GMDS: variants seen among roughly 807,000 people sequenced by gnomAD.
GMDS encodes the protein GDP-mannose 4,6 dehydratase.
Under a neutral mutation model 49.9 loss-of-function variants are expected in GMDS, and 20 were observed. That is an observed-to-expected ratio of 0.40 (90% confidence interval 0.28 to 0.58). The LOEUF (loss-of-function observed/expected upper bound fraction) is 0.58, where lower values mean the gene tolerates loss of function less well. Ranked by LOEUF, GMDS falls within the 20% of genes least tolerant of loss-of-function variation. The pLI is 0.42. For missense variants in GMDS, 362 were observed against 481.4 expected, an observed-to-expected ratio of 0.75 and a Z score of 2.32; for synonymous variants, 177 against 178.6, an observed-to-expected ratio of 0.99 and a Z score of 0.07.
chr6:2,209,296 G>C (rs537174818), intron 1 of GMDS, among the ~76,000 whole-genome samples: 257 of 152,348 alleles, frequency 1.7e-3, no homozygotes, highest in African/African-American at 5.7e-3. Context: ...TGGGGGTAGA[G>C]GCTACTAGTT....
chr6:2,205,097 CAG>C (rs1779742830), intron 1 of GMDS, among the ~76,000 whole-genome samples: 1 of 152,104 alleles, frequency 6.6e-6, no homozygotes. Flanking sequence ...AACCCTTTAA[CAG>C]AGTTTTTCTC....
intron 4 of GMDS, among the ~76,000 whole-genome samples, chr6:1,966,215 T>A (rs1764249128): frequency 6.6e-6 from 1 of 152,182 alleles, no homozygotes; most frequent in Non-Finnish European, 1.5e-5. Context: ...GTGGTTGGTT[T>A]CTATCATTAT....
intron 4 of GMDS, among the ~76,000 whole-genome samples, chr6:2,077,033 C>T (rs1772385113): frequency 6.6e-6 from 1 of 151,814 alleles, no homozygotes; most frequent in African/African-American, 2.4e-5. Context: ...AAATTTATTC[C>T]TATGTTTTTT....
At chr6:1,680,096 G>A (rs1430477674) in intron 9 of GMDS, among the ~76,000 whole-genome samples, 1 of 152,162 alleles carries the variant, frequency 6.6e-6, no homozygotes, top group Admixed American at 6.5e-5. Flanking sequence ...GCTAAGTCTT[G>A]TACACTGAAA....
chr6:2,027,737 A>G (rs559508241), intron 4 of GMDS, among the ~76,000 whole-genome samples: 3 of 152,324 alleles, frequency 2.0e-5, no homozygotes, highest in Admixed American at 1.3e-4. Flanking sequence ...GAAGCCATAA[A>G]TTTACATTTC....
intron 6 of GMDS, among the ~76,000 whole-genome samples, chr6:1,953,396 G>A (rs1049907399): frequency 6.6e-6 from 1 of 152,092 alleles, no homozygotes; most frequent in Non-Finnish European, 1.5e-5. Flanking sequence ...TAGGAAATCA[G>A]GGATAATCTA....
chr6:2,121,845 T>C (rs1775154751), intron 2 of GMDS, among the ~76,000 whole-genome samples: 1 of 152,194 alleles, frequency 6.6e-6, no homozygotes. Flanking sequence ...AACCTGGCCC[T>C]GCTCTCCTGC....
At chr6:2,184,592 C>T (rs1255784344) in intron 1 of GMDS, among the ~76,000 whole-genome samples, 2 of 152,196 alleles carry the variant, frequency 1.3e-5, no homozygotes, top group Non-Finnish European at 2.9e-5. Flanking sequence ...ACATAGCTAT[C>T]ATTCCCTGTC....
At chr6:1,847,980 C>T (rs891439291) in intron 7 of GMDS, among the ~76,000 whole-genome samples, 1 of 152,144 alleles carries the variant, frequency 6.6e-6, no homozygotes, top group Non-Finnish European at 1.5e-5. Flanking sequence ...ACGGCCAAGG[C>T]ATTAAGCCAA....
intron 1 of GMDS, among the ~76,000 whole-genome samples, chr6:2,202,545 T>C (rs1037711437): frequency 5.3e-5 from 8 of 152,032 alleles, no homozygotes; most frequent in African/African-American, 1.4e-4. Context: ...CGTGCCTCAG[T>C]TGCAGAGGAG....
chr6:1,637,523 C>T (rs1169676732), intron 9 of GMDS, among the ~76,000 whole-genome samples: 5 of 152,240 alleles, frequency 3.3e-5, no homozygotes, highest in South Asian at 4.1e-4. Context: ...GGCTATAAAG[C>T]GGACACTTGT....
At chr6:2,070,124 T>C (rs947870147) in intron 4 of GMDS, among the ~76,000 whole-genome samples, 1 of 151,656 alleles carries the variant, frequency 6.6e-6, no homozygotes, top group African/African-American at 2.4e-5. Flanking sequence ...TGTAGGGACA[T>C]GGATGAAATT....
intron 4 of GMDS, among the ~76,000 whole-genome samples, chr6:2,080,498 T>G (rs1204510216): frequency 6.6e-6 from 1 of 152,210 alleles, no homozygotes; most frequent in Non-Finnish European, 1.5e-5. Flanking sequence ...CATGTATCTA[T>G]GGTGTTGGTT....
chr6:1,728,744 C>T (rs1766682386), intron 8 of GMDS, among the ~76,000 whole-genome samples: 1 of 152,128 alleles, frequency 6.6e-6, no homozygotes, highest in South Asian at 2.1e-4. Flanking sequence ...TTGGTGGGGT[C>T]TGTAAACTGT....
At chr6:2,180,068 G>A (rs771660351) in intron 1 of GMDS, among the ~76,000 whole-genome samples, 2 of 152,128 alleles carry the variant, frequency 1.3e-5, no homozygotes, top group Non-Finnish European at 2.9e-5. Context: ...CTGGATCTGT[G>A]GTCTAAATGA....
intron 4 of GMDS, among the ~76,000 whole-genome samples, chr6:2,114,680 C>A (rs1774743924): frequency 1.3e-5 from 2 of 152,150 alleles, no homozygotes; most frequent in Non-Finnish European, 2.9e-5. Flanking sequence ...CGATATGTAG[C>A]CATCCTTCAA....
At chr6:1,843,037 C>T (rs923515138) in intron 7 of GMDS, among the ~76,000 whole-genome samples, 5 of 151,390 alleles carry the variant, frequency 3.3e-5, no homozygotes, top group Admixed American at 6.6e-5. Flanking sequence ...GCCCAGGAGG[C>T]GGAGGTTGCA....
At chr6:2,069,932 A>G (rs370893191) in intron 4 of GMDS, among the ~76,000 whole-genome samples, 6 of 152,156 alleles carry the variant, frequency 3.9e-5, no homozygotes, top group Admixed American at 1.3e-4. Context: ...ATACCCAAAG[A>G]ATTATAAATC....
chr6:2,018,938 T>C (rs886455632), intron 4 of GMDS, among the ~76,000 whole-genome samples: 1 of 152,106 alleles, frequency 6.6e-6, no homozygotes, highest in Non-Finnish European at 1.5e-5. Context: ...GCTACATCAC[T>C]TTACATTCAC....
Sources: gnomAD v4.1 joint callset for allele counts (sites outside exome capture counted in the v4.1 genomes callset) on GRCh38, gnomAD v4.1.1 for gene constraint, MANE v1.5 for transcripts, NCBI Gene and HGNC (gene_info 2026-07-23, HGNC 2026-07-21) for gene names.